The following PDE9A variants were observed in gnomAD, a reference collection of about 807,000 sequenced individuals.
PDE9A encodes the protein phosphodiesterase 9A.
In PDE9A, 60 loss-of-function variants were observed where a neutral mutation model predicts 87.4. The ratio of observed to expected loss-of-function variants is 0.69; its 90% CI spans 0.56 to 0.85. The LOEUF is 0.85. Among genes scored for constraint, PDE9A ranks in the 40% least tolerant of loss-of-function variants. PDE9A has a pLI of 0.00. For synonymous variants in PDE9A, 272 were observed against 279.4 expected, an observed-to-expected ratio of 0.97 and a Z score of 0.27; for missense variants, 665 against 779.0, an observed-to-expected ratio of 0.85 and a Z score of 1.74.
intron 1 of PDE9A, among the ~76,000 whole-genome samples, chr21:42,668,898 A>ACCCCCCCCCCCCCCTCCCCCC (rs375148519): frequency 9.5e-6 from 1 of 104,786 alleles, no homozygotes; most frequent in African/African-American, 4.6e-5. Flanking sequence ...TGCTCCCTCC[A>ACCCCCCCCCCCCCCTCCCCCC]CCCCCCGCCA....
At chr21:42,750,403 C>G (rs908153526) in intron 8 of PDE9A, among the ~76,000 whole-genome samples, 1 of 151,918 alleles carries the variant, frequency 6.6e-6, no homozygotes, top group Non-Finnish European at 1.5e-5. Flanking sequence ...GAAGTGATTT[C>G]CAGAGTATGG....
At position 42,704,635 on chromosome 21, in the gene PDE9A, C is replaced by A. The variant is rs1397786055; in HGVS notation, c.262+5624C>A. Among the ~76,000 whole-genome samples the A allele has an allele frequency of 6.6e-6, 1 of 152,210 alleles. No individual in the cohort carries two copies. Among genetic ancestry groups the A allele is most frequent in the African/African-American group, 2.4e-5 (1 of 41,458 alleles). ...AGGTCAGGAGTTAGCTCTAGCGACG[C>A]CGCCCTGAGTTCTGGCCTGTAAGCA... On this transcript the variant is annotated intron_variant, in intron 4 of 19. Transcript: ENST00000291539. This position sits in a 1 kb window ranked among gnomAD's most constrained non-coding sequence, Gnocchi z 5.3.
At chr21:42,718,749 T>C (rs2050193809) in intron 4 of PDE9A, among the ~76,000 whole-genome samples, 1 of 151,880 alleles carries the variant, frequency 6.6e-6, no homozygotes, top group Non-Finnish European at 1.5e-5. Flanking sequence ...TTTTGGCATC[T>C]GAGCCGGCAA....
chr21:42,699,779 G>A (rs886503022), intron 4 of PDE9A, among the ~76,000 whole-genome samples: 17 of 151,918 alleles, frequency 1.1e-4, no homozygotes, highest in East Asian at 1.9e-4. Flanking sequence ...GGCTGGTCTC[G>A]AACTCCTGAC....
chr21:42,758,660 G>C (rs1287644348), intron 10 of PDE9A: 1 of 265,828 alleles, frequency 3.8e-6, no homozygotes, highest in African/African-American at 2.2e-5. Context: ...TTGGTGCAGT[G>C]TTTTGTGAAC....
At chr21:42,715,465 A>G (rs1190524547) in intron 4 of PDE9A, among the ~76,000 whole-genome samples, 1 of 147,166 alleles carries the variant, frequency 6.8e-6, no homozygotes, top group African/African-American at 2.4e-5. Flanking sequence ...TGTCTCTACT[A>G]AAAATATAAA....
intron 14 of PDE9A, among the ~76,000 whole-genome samples, chr21:42,763,825 C>T (rs888250529): frequency 6.6e-6 from 1 of 152,200 alleles, no homozygotes; most frequent in East Asian, 1.9e-4. Context: ...GAGCAGCAGC[C>T]TCTTCTACCA....
rs964597053 is a variant in PDE9A at position 42,713,019 on chromosome 21, G to A, written c.262+14008G>A. Among the ~76,000 whole-genome samples, 3 of 152,050 alleles carry A rather than the reference G, an allele frequency of 2.0e-5. No individual in the cohort carries two copies. In the South Asian group the frequency reaches 6.2e-4, roughly 31 times the overall value. ...GAAATGTTCCTAGGAAATTTCCTGG[G>A]GTAAACTCACTTGTATTTCCAGGAA... On this transcript the variant is annotated intron_variant, in intron 4 of 19. Coordinates refer to ENST00000291539, the MANE Select transcript of PDE9A (RefSeq NM_002606.3).
intron 17 of PDE9A, among the ~76,000 whole-genome samples, chr21:42,769,731 C>A (rs1421559842): frequency 1.7e-5 from 1 of 60,302 alleles, no homozygotes; most frequent in Non-Finnish European, 3.0e-5. Flanking sequence ...CACACACGTA[C>A]AGAGGCACAC....
At chr21:42,744,447 AT>A (rs1205589584) in intron 8 of PDE9A, among the ~76,000 whole-genome samples, 87 of 152,354 alleles carry the variant, frequency 5.7e-4, no homozygotes, top group Middle Eastern at 3.4e-3. Flanking sequence ...CTTAGGAGCA[AT>A]GTGTCCAGCT....
chr21:42,709,625 C>T (rs943902028), intron 4 of PDE9A, among the ~76,000 whole-genome samples: 2 of 152,274 alleles, frequency 1.3e-5, no homozygotes, highest in Non-Finnish European at 2.9e-5. Flanking sequence ...TCATACAGCA[C>T]GAGCTCTTTG....
At chr21:42,684,282 C>A (rs2059323653) in intron 1 of PDE9A, among the ~76,000 whole-genome samples, 1 of 152,246 alleles carries the variant, frequency 6.6e-6, no homozygotes, top group African/African-American at 2.4e-5. Flanking sequence ...CCTCTGCAGA[C>A]TGGGGTTCTG....
chr21:42,772,146 G>A (rs1348479359), intron 18 of PDE9A, among the ~76,000 whole-genome samples: 2 of 152,186 alleles, frequency 1.3e-5, no homozygotes, highest in Non-Finnish European at 2.9e-5. Context: ...GAGGTGAAAA[G>A]GCCAAGCCCA....
rs1352831782 is a variant in PDE9A at position 42,723,021 on chromosome 21, C to T, written c.263-8749C>T. 6.6e-6 allele frequency among the ~76,000 whole-genome samples: 1 copy of T among 152,258 alleles called. No individual in the cohort carries two copies. Among genetic ancestry groups the T allele is most frequent in the Non-Finnish European group, 1.5e-5 (1 of 68,042 alleles). ...GTGGGGGCAGCCCCTGCCCTGGACA[C>T]CCGTGAACACGGAGGCAGCCGTGTG... On this transcript the variant is annotated intron_variant, in intron 4 of 19. Coordinates refer to ENST00000291539, the MANE Select transcript of PDE9A (RefSeq NM_002606.3). The surrounding 1 kb of genome is among the most constrained non-coding windows in gnomAD (Gnocchi z 4.3).
At chr21:42,769,838 G>C (rs6586345) in intron 17 of PDE9A, among the ~76,000 whole-genome samples, 72,466 of 151,778 alleles carry the variant, frequency 0.48, 18,070 homozygotes, top group African/African-American at 0.63. Flanking sequence ...CGGCTGTCGT[G>C]GTGACCGCTG....
In PDE9A at chr21:42,760,280, G is replaced by C. The variant is rs2055560674; in HGVS notation, c.898-48G>C. 7 of 1,135,386 alleles carry C rather than the reference G, an allele frequency of 6.2e-6. No homozygotes were observed. Among genetic ancestry groups the C allele is most frequent in the Non-Finnish European group, 9.3e-6 (7 of 753,284 alleles). 70.3% of individuals were successfully genotyped at this position (1,135,386 alleles called of 1,614,324 possible). Reference sequence around the variant, plus strand: ...CTTCTGGGTGGCTTTGGGAGGAGAGGTGGGCGGGCCCAGGCACAGGGTGAC... The same window carrying C: ...CTTCTGGGTGGCTTTGGGAGGAGAGCTGGGCGGGCCCAGGCACAGGGTGAC... On this transcript the variant is annotated intron_variant, in intron 11 of 19. Coordinates refer to ENST00000291539, the MANE Select transcript of PDE9A (RefSeq NM_002606.3). The surrounding 1 kb of genome is among the most constrained non-coding windows in gnomAD (Gnocchi z 5.2).
intron 10 of PDE9A, among the ~76,000 whole-genome samples, chr21:42,754,768 G>T (rs1258893968): frequency 6.6e-6 from 1 of 152,094 alleles, no homozygotes; most frequent in African/African-American, 2.4e-5. Context: ...TATAAATGGG[G>T]GATTGTCTTT....
At chr21:42,765,621 A>G (rs748375207) in intron 15 of PDE9A, 127 bp downstream of exon 15, 21 of 703,632 alleles carry the variant, frequency 3.0e-5, no homozygotes, top group Admixed American at 2.9e-4. Context: ...GTGTCTATAA[A>G]TCTGGTTTTC....
In PDE9A at chr21:42,751,150, A is replaced by G. The variant is rs148098142; in HGVS notation, c.688A>G (p.Asn230Asp). Residue 230 changes from asparagine to aspartate, a missense_variant, in exon 9 of 20, where the codon AAC becomes GAC. Asn to Asp is a conservative substitution (Grantham distance 23, BLOSUM62 1). Coordinates refer to ENST00000291539, the MANE Select transcript of PDE9A (RefSeq NM_002606.3). ...CCCCTGTAAGTACAGTTTTTTGGAT[A>G]ACCACAAGAAGTTGACTCCTCGACG... The part of the protein sequence containing the change: ...NCPCKYSFLD[N>D]HKKLTPRRDV... The G allele has an allele frequency of 1.7e-4, 270 of 1,613,060 alleles. No homozygotes were observed. The highest frequency in any genetic ancestry group is 2.2e-4 in the Non-Finnish European group (261 of 1,179,048).
Sources: allele counts gnomAD v4.1 joint callset (sites outside exome capture counted in the v4.1 genomes callset), GRCh38; gene constraint gnomAD v4.1.1; non-coding constraint Gnocchi (gnomAD v3.1); transcripts MANE v1.5; gene names NCBI Gene and HGNC (gene_info 2026-07-23, HGNC 2026-07-21).